The following MBD5 variants were observed in gnomAD, a reference collection of about 807,000 sequenced individuals.
MBD5 encodes the protein methyl-CpG-binding domain protein 5.
Under a neutral mutation model 117.3 loss-of-function variants are expected in MBD5, and 13 were observed. The ratio of observed to expected loss-of-function variants is 0.11; its 90% CI spans 0.07 to 0.18. The LOEUF (loss-of-function observed/expected upper bound fraction) is 0.18, where lower values mean the gene tolerates loss of function less well. MBD5 is among the 10% of genes least tolerant of loss of function. MBD5 has a pLI of 1.00. For synonymous variants in MBD5, 727 were observed against 766.4 expected, an observed-to-expected ratio of 0.95 and a Z score of 0.85; for missense variants, 1,879 against 2,093.8, an observed-to-expected ratio of 0.90 and a Z score of 2.00.
chr2:148,179,915 G>GA (rs1015316242), intron 2 of MBD5, among the ~76,000 whole-genome samples: 5 of 151,916 alleles, frequency 3.3e-5, no homozygotes, highest in Admixed American at 6.6e-5. Context: ...AAATAAATTT[G>GA]AAAAATCCTT....
At chr2:148,319,440 T>G (rs747465206) in intron 3 of MBD5, among the ~76,000 whole-genome samples, 5 of 152,178 alleles carry the variant, frequency 3.3e-5, no homozygotes, top group Admixed American at 1.3e-4. Flanking sequence ...TCATCAGTGT[T>G]TTGTAGTTCT....
At chr2:148,446,463 G>A (rs1574432627) in intron 4 of MBD5, among the ~76,000 whole-genome samples, 1 of 152,008 alleles carries the variant, frequency 6.6e-6, no homozygotes, top group East Asian at 1.9e-4. Context: ...ATGGTGAGAG[G>A]ACCCTGTGGA....
In MBD5 at chr2:148,247,860, G is replaced by C. The variant is rs376064291; in HGVS notation, c.-680+14465G>C. Among the ~76,000 whole-genome samples the C allele has an allele frequency of 2.5e-3, 382 of 152,166 alleles. 22 individuals are homozygous for C. In the South Asian group the frequency reaches 0.078, roughly 31 times the overall value. ...GAAAAAAATAAAATTTAAACTTTAT[G>C]TCTTGGTAGTATGGTGAAGTTAGGT... On this transcript the variant is annotated intron_variant, in intron 3 of 13. Transcript: ENST00000642680.
At chr2:148,364,606 G>T (rs1450962481) in intron 4 of MBD5, among the ~76,000 whole-genome samples, 1 of 152,180 alleles carries the variant, frequency 6.6e-6, no homozygotes, top group East Asian at 1.9e-4. Context: ...CATCTCACAC[G>T]CAAAGACACA....
intron 8 of MBD5, among the ~76,000 whole-genome samples, chr2:148,481,110 A>T (rs1178800526): frequency 1.3e-5 from 2 of 152,044 alleles, no homozygotes; most frequent in Non-Finnish European, 2.9e-5. Flanking sequence ...CAATTACGAA[A>T]TTTTTTCTAA....
At chr2:148,058,384 G>A (rs1267749660) in intron 1 of MBD5, among the ~76,000 whole-genome samples, 2 of 151,816 alleles carry the variant, frequency 1.3e-5, no homozygotes, top group African/African-American at 2.4e-5. Flanking sequence ...CTATCTCATC[G>A]CTTTATACTT....
chr2:148,059,493 A>G (rs1302931942), intron 1 of MBD5, among the ~76,000 whole-genome samples: 1 of 152,230 alleles, frequency 6.6e-6, no homozygotes, highest in Non-Finnish European at 1.5e-5. Context: ...TACTAGCATA[A>G]TTAAAATGTT....
chr2:148,040,605 C>T (rs1256778394), intron 1 of MBD5, among the ~76,000 whole-genome samples: 1 of 152,034 alleles, frequency 6.6e-6, no homozygotes, highest in Non-Finnish European at 1.5e-5. Flanking sequence ...AAAAATATAG[C>T]CAACATTATT....
intron 3 of MBD5, among the ~76,000 whole-genome samples, chr2:148,290,923 A>G (rs1412471507): frequency 6.6e-6 from 1 of 152,202 alleles, no homozygotes; most frequent in Non-Finnish European, 1.5e-5. Flanking sequence ...TTAACATTTG[A>G]GAGACTGTCA....
At chr2:148,156,036 C>T (rs1328716028) in intron 1 of MBD5, among the ~76,000 whole-genome samples, 1 of 152,180 alleles carries the variant, frequency 6.6e-6, no homozygotes, top group African/African-American at 2.4e-5. Context: ...TTTACTGTTA[C>T]CAGATACAGC....
intron 4 of MBD5, among the ~76,000 whole-genome samples, chr2:148,354,201 C>T (rs1031522194): frequency 6.6e-6 from 1 of 152,092 alleles, no homozygotes; most frequent in Non-Finnish European, 1.5e-5. Context: ...CCTATCAACC[C>T]ATCATCTAGG....
At chr2:148,159,561 C>G (rs1316771973) in intron 1 of MBD5, among the ~76,000 whole-genome samples, 1 of 152,120 alleles carries the variant, frequency 6.6e-6, no homozygotes, top group Non-Finnish European at 1.5e-5. Flanking sequence ...GCTGGGTTTA[C>G]AGGCGTGAGT....
At chr2:148,064,912 C>G (rs1286328122) in intron 1 of MBD5, among the ~76,000 whole-genome samples, 1 of 151,974 alleles carries the variant, frequency 6.6e-6, no homozygotes, top group Non-Finnish European at 1.5e-5. Context: ...TAATGTATTT[C>G]TGATAACATA....
chr2:148,262,152 G>A (rs1320009565), intron 3 of MBD5, among the ~76,000 whole-genome samples: 1 of 148,636 alleles, frequency 6.7e-6, no homozygotes, highest in East Asian at 1.9e-4. Flanking sequence ...AGCACATGCT[G>A]TGGGAAAAAA....
At chr2:148,462,470 C>G in intron 5 of MBD5, 112 bp from the exon 6 acceptor site, 1 of 726,828 alleles carries the variant, frequency 1.4e-6, no homozygotes, top group African/African-American at 1.7e-5. Context: ...AATGCTTTTC[C>G]CTAGTGGGAA....
At chr2:148,460,073 AAATAT>A (rs1320844250) in intron 5 of MBD5, 1 of 152,180 alleles carries the variant, frequency 6.6e-6, no homozygotes, top group Non-Finnish European at 1.5e-5. Flanking sequence ...ACTTTGTTAT[AAATAT>A]AATATAGCAA....
At chr2:148,364,573 T>C (rs1033759310) in intron 4 of MBD5, among the ~76,000 whole-genome samples, 2 of 152,090 alleles carry the variant, frequency 1.3e-5, no homozygotes, top group Admixed American at 6.6e-5. Context: ...CAAGACCCAT[T>C]AGTGTGCTGT....
At chr2:148,461,087 C>G (rs1707058965) in intron 5 of MBD5, among the ~76,000 whole-genome samples, 1 of 152,150 alleles carries the variant, frequency 6.6e-6, no homozygotes, top group African/African-American at 2.4e-5. Flanking sequence ...CACACACTAC[C>G]ATGCCCAGCT....
At chr2:148,400,132 A>G (rs1704872753) in intron 4 of MBD5, among the ~76,000 whole-genome samples, 3 of 152,084 alleles carry the variant, frequency 2.0e-5, no homozygotes, top group Admixed American at 6.6e-5. Flanking sequence ...AGATCATTGA[A>G]TTCTTTCAAT....
Sources: gnomAD v4.1 joint callset for allele counts (sites outside exome capture counted in the v4.1 genomes callset) on GRCh38, gnomAD v4.1.1 for gene constraint, MANE v1.5 for transcripts, NCBI Gene and HGNC (gene_info 2026-07-23, HGNC 2026-07-21) for gene names.